Variants in ADGRG6 observed in about 807,000 individuals in gnomAD.
ADGRG6 encodes the protein adhesion G protein-coupled receptor G6.
Under a neutral mutation model 142.4 loss-of-function variants are expected in ADGRG6, and 84 were observed. That is an observed-to-expected ratio of 0.59 (90% CI 0.49 to 0.71). ADGRG6 has a LOEUF of 0.71. ADGRG6 is among the 30% of genes least tolerant of loss of function. The pLI is 0.00. For synonymous variants in ADGRG6, 521 were observed against 520.5 expected (o/e 1.00, Z -0.01); for missense variants, 1,367 against 1,466.6 (o/e 0.93, Z 1.11).
At chr6:142,429,935 T>G (rs1212363477) in intron 22 of ADGRG6, among the ~76,000 whole-genome samples, 1 of 152,088 alleles carries the variant, frequency 6.6e-6, no homozygotes, top group African/African-American at 2.4e-5. Context: ...GCTGTATTCC[T>G]AGTTACTCAG....
chr6:142,357,598 G>GT (rs1389461107), intron 2 of ADGRG6, among the ~76,000 whole-genome samples: 3 of 151,882 alleles, frequency 2.0e-5, no homozygotes, highest in African/African-American at 7.3e-5. Context: ...ACCTGAATGA[G>GT]TTTTTTTTAT....
At chr6:142,354,738 A>T (rs1780360649) in intron 2 of ADGRG6, among the ~76,000 whole-genome samples, 1 of 152,248 alleles carries the variant, frequency 6.6e-6, no homozygotes, top group Non-Finnish European at 1.5e-5. Flanking sequence ...CCTTTCAGAC[A>T]AAATTGCATA....
intron 22 of ADGRG6, among the ~76,000 whole-genome samples, chr6:142,434,904 A>T (rs1320354740): frequency 5.3e-5 from 8 of 152,092 alleles, no homozygotes; most frequent in Non-Finnish European, 8.8e-5. Context: ...TTTGCTAATA[A>T]TGTAATTTAT....
At position 142,402,065 on chromosome 6, in the gene ADGRG6, GA is replaced by G. The variant is rs1348430437; in HGVS notation, c.1744+8del. On this transcript the variant is annotated splice_region_variant and intron_variant, in intron 12 of 24. Transcript: ENST00000367609. ...GATATCTCCAACTGTTTAAGTAAGT[GA>G]GCAGTTTTCCTTTATTTCTCAAGGA... 3.4e-6 allele frequency: 5 copies of G among 1,460,358 alleles called. No individual in the cohort carries two copies. The highest frequency in any genetic ancestry group is 3.8e-6 in the Non-Finnish European group (4 of 1,053,118). The allele number at this position is 1,460,358 out of a possible 1,614,324, so 90.5% of individuals were successfully genotyped here.
chr6:142,302,238 G>C lies in ADGRG6; in HGVS notation c.-92G>C. 1.3e-6 allele frequency: 2 copies of C among 1,494,748 alleles called. No homozygotes were observed. Among genetic ancestry groups the C allele is most frequent in the Non-Finnish European group, 1.8e-6 (2 of 1,093,370 alleles). The allele number at this position is 1,494,748 out of a possible 1,614,324, so 92.6% of individuals were successfully genotyped here. A position where few individuals can be genotyped will look rare whatever the true frequency, so the allele number is the denominator to read the frequency against. On this transcript the variant is annotated 5_prime_UTR_variant, in exon 1 of 25. Transcript: ENST00000367609. ...CCGCGGCGCAGGGCTGGGGCGCCTG[G>C]GTTCCCCCTGGGTGGAGCAGCGGCA...
At chr6:142,348,636 T>G (rs1780019777) in intron 2 of ADGRG6, among the ~76,000 whole-genome samples, 1 of 151,694 alleles carries the variant, frequency 6.6e-6, no homozygotes, top group Non-Finnish European at 1.5e-5. Context: ...TGGTTTTTTT[T>G]TTTTAGATAT....
At chr6:142,399,218 C>T (rs548748154) in intron 10 of ADGRG6, among the ~76,000 whole-genome samples, 7 of 152,232 alleles carry the variant, frequency 4.6e-5, no homozygotes, top group Admixed American at 3.9e-4. Flanking sequence ...TTGAAGAGGG[C>T]GATTGCGACC....
rs1471878217 is a variant in ADGRG6, at chr6:142,317,800, TTA to T, written c.103+8164_103+8165del. On this transcript the variant is annotated intron_variant, in intron 2 of 24. Transcript: ENST00000367609. ...TATATATTTATATATAATATATATA[TTA>T]TATATATTTATATATATTAATTTAT... is the stretch of plus-strand genomic sequence containing the variant. Among the ~76,000 whole-genome samples, 14 of 90,740 alleles carry T rather than the reference TTA, an allele frequency of 1.5e-4. No homozygotes were observed. The South Asian group carries it at 2.9e-3, about 19-fold the overall frequency. 59.5% of individuals were successfully genotyped at this position (90,740 alleles called of 152,430 possible).
chr6:142,303,915 T>C (rs1220934954), intron 1 of ADGRG6, among the ~76,000 whole-genome samples: 1 of 152,178 alleles, frequency 6.6e-6, no homozygotes, highest in Non-Finnish European at 1.5e-5. Context: ...ATCATGTCAT[T>C]ATAGGGTAAA....
chr6:142,343,132 T>G (rs993489933), intron 2 of ADGRG6, among the ~76,000 whole-genome samples: 1 of 151,886 alleles, frequency 6.6e-6, no homozygotes, highest in Non-Finnish European at 1.5e-5. Context: ...GATATGTGCT[T>G]TTGACAAATA....
intron 1 of ADGRG6, chr6:142,302,809 CT>C (rs1562295148): frequency 6.2e-6 from 1 of 160,710 alleles, no homozygotes; most frequent in African/African-American, 2.4e-5. Flanking sequence ...ATTCTTGGAT[CT>C]TTGGGGTGTT....
rs755030039 is a variant in ADGRG6, at chr6:142,444,489, C to T, written c.*974C>T. 1.3e-5 allele frequency: 2 copies of T among 152,160 alleles called. No individual in the cohort carries two copies. Among genetic ancestry groups the T allele is most frequent in the Non-Finnish European group, 1.5e-5 (1 of 68,028 alleles). 9.4% of individuals were successfully genotyped at this position (152,160 alleles called of 1,614,324 possible). A position where few individuals can be genotyped will look rare whatever the true frequency, so the allele number is the denominator to read the frequency against. On this transcript the variant is annotated 3_prime_UTR_variant, in exon 25 of 25. Coordinates refer to ENST00000367609, the MANE Select transcript of ADGRG6 (RefSeq NM_198569.3). ...TTTCCTAAAGCACAAATAAAAGCCT[C>T]GTATTTCCCCATTGAGAGTTTTGTT... is the stretch of plus-strand genomic sequence containing the variant.
At chr6:142,356,683 CA>C (rs1232100381) in intron 2 of ADGRG6, among the ~76,000 whole-genome samples, 2 of 62,738 alleles carry the variant, frequency 3.2e-5, no homozygotes, top group Non-Finnish European at 6.8e-5. Flanking sequence ...GCTTTAGAGC[CA>C]AAAGGGATTT....
chr6:142,415,386 GT>G (rs1362421691), intron 19 of ADGRG6, among the ~76,000 whole-genome samples: 3 of 152,122 alleles, frequency 2.0e-5, no homozygotes, highest in African/African-American at 7.2e-5. Context: ...GAAAATGTTT[GT>G]TTTATAATCT....
At chr6:142,315,113 A>G (rs1352070148) in intron 2 of ADGRG6, among the ~76,000 whole-genome samples, 1 of 152,102 alleles carries the variant, frequency 6.6e-6, no homozygotes, top group Non-Finnish European at 1.5e-5. Context: ...AACTAGACCT[A>G]GAGGTTGGGC....
rs1781037164 is a variant in ADGRG6 at position 142,367,990 on chromosome 6, G to A, written c.445+80G>A. The A allele has an allele frequency of 9.2e-6, 7 of 757,494 alleles. No individual in the cohort carries two copies. In the Admixed American group the frequency reaches 1.4e-4, roughly 16 times the overall value. The allele number at this position is 757,494 out of a possible 1,614,324, so 46.9% of individuals were successfully genotyped here. On this transcript the variant is annotated intron_variant, in intron 3 of 24. Coordinates refer to ENST00000367609, the MANE Select transcript of ADGRG6 (RefSeq NM_198569.3). ...GTAAACACAAGGACCAGAAGACAGAGTTATGCTCTTTTATGTGAATGTGAA... is the reference window on the plus strand; with the variant it reads ...GTAAACACAAGGACCAGAAGACAGAATTATGCTCTTTTATGTGAATGTGAA...
At position 142,367,640 on chromosome 6, in the gene ADGRG6, A is replaced by G; in HGVS notation, c.175A>G (p.Asn59Asp). The G allele has an allele frequency of 6.2e-7, 1 of 1,613,736 alleles. No individual in the cohort carries two copies. The highest frequency in any genetic ancestry group is 1.3e-5 in the African/African-American group (1 of 74,984). The change falls in exon 3 of 25, where the codon AAC becomes GAC. Residue 59 changes from asparagine to aspartate, a missense_variant. Coordinates refer to ENST00000367609, the MANE Select transcript of ADGRG6 (RefSeq NM_198569.3). Reference sequence around the variant, plus strand: ...GACCTTTACTTCTCCATGCTACCCTAACGACTACCCAAACAGCCAGGCTTG... The same window carrying G: ...GACCTTTACTTCTCCATGCTACCCTGACGACTACCCAAACAGCCAGGCTTG... ...SGTFTSPCYP[N>D]DYPNSQACMW...
intron 2 of ADGRG6, among the ~76,000 whole-genome samples, chr6:142,330,071 TGC>T (rs1417242251): frequency 6.6e-6 from 1 of 152,072 alleles, no homozygotes; most frequent in Non-Finnish European, 1.5e-5. Context: ...TTTTTTTTTT[TGC>T]CACTGCAATT....
chr6:142,356,051 C>T (rs966723139), intron 2 of ADGRG6, among the ~76,000 whole-genome samples: 3 of 152,170 alleles, frequency 2.0e-5, no homozygotes, highest in Non-Finnish European at 2.9e-5. Context: ...TTAATGCATA[C>T]ATTGCCTCAC....
Sources: allele counts gnomAD v4.1 joint callset (sites outside exome capture counted in the v4.1 genomes callset), GRCh38; gene constraint gnomAD v4.1.1; transcripts MANE v1.5; gene names NCBI Gene and HGNC (gene_info 2026-07-23, HGNC 2026-07-21).